Variants in RBM6 observed in about 807,000 individuals in gnomAD.
The protein encoded by RBM6 is RNA-binding protein 6.
In RBM6, 23 loss-of-function variants were observed where a neutral mutation model predicts 140.4. That is an observed-to-expected ratio of 0.16 (90% CI 0.12 to 0.23). The LOEUF (loss-of-function observed/expected upper bound fraction) is 0.23. Ranked by LOEUF, RBM6 falls within the 10% of genes least tolerant of loss-of-function variation. The pLI is 1.00. For synonymous variants in RBM6, 439 were observed against 475.6 expected, an observed-to-expected ratio of 0.92 and a Z score of 1.00; for missense variants, 1,139 against 1,386.7, an observed-to-expected ratio of 0.82 and a Z score of 2.84.
intron 1 of RBM6, among the ~76,000 whole-genome samples, chr3:49,944,214 T>C (rs1412675919): frequency 6.6e-6 from 1 of 152,228 alleles, no homozygotes; most frequent in Non-Finnish European, 1.5e-5. Context: ...ATTTGACTAC[T>C]CTAGGTATCT....
rs750448337 is a variant in RBM6, at chr3:49,967,564, T to C, written c.139T>C (p.Phe47Leu). ...SHAQERHSGN[F>L]PGRDSLPFDF... ...TGCTCAAGAGAGACACTCTGGCAAC[T>C]TTCCTGGCAGAGATTCACTTCCCTT... Residue 47 changes from phenylalanine (F) to leucine (L), a missense_variant, in exon 3 of 21, where the codon TTT becomes CTT. This residue lies in a region of RBM6 where 566 missense variants were observed against 612.7 expected (regional missense o/e 0.92). Coordinates refer to ENST00000266022, the MANE Select transcript of RBM6 (RefSeq NM_005777.3). The surrounding 1 kb of genome is among the most constrained non-coding windows in gnomAD (Gnocchi z 4.0). The C allele has an allele frequency of 2.5e-6, 4 of 1,614,182 alleles. No homozygotes were observed. The highest frequency in any genetic ancestry group is 4.5e-5 in the East Asian group (2 of 44,882).
chr3:50,050,188 A>G (rs2089412036), intron 7 of RBM6, among the ~76,000 whole-genome samples: 1 of 151,922 alleles, frequency 6.6e-6, no homozygotes, highest in African/African-American at 2.4e-5. Context: ...TTAAACCCTC[A>G]AAAGGAAACC....
intron 6 of RBM6, among the ~76,000 whole-genome samples, chr3:50,007,218 A>T: frequency 7.2e-6 from 1 of 138,768 alleles, no homozygotes. Context: ...CTTTTTTGAG[A>T]CAGGGTCTCA....
At position 49,944,422 on chromosome 3, in the gene RBM6, C is replaced by T. The variant is rs1364945338; in HGVS notation, c.-67+4197C>T. Among the ~76,000 whole-genome samples, 3 of 151,618 alleles carry T rather than the reference C, an allele frequency of 2.0e-5. No homozygotes were observed. In the East Asian group the frequency reaches 5.8e-4, roughly 29 times the overall value. On this transcript the variant is annotated intron_variant, in intron 1 of 20. Coordinates refer to ENST00000266022, the MANE Select transcript of RBM6 (RefSeq NM_005777.3). ...TTGATGGACATTTGGGTTGTTTCCA[C>T]CTTTTTGCTCTTGTGAATATAATGG...
At chr3:50,054,472 G>T (rs2108899304) in intron 8 of RBM6, 77 bp downstream of exon 8, 6 of 1,233,960 alleles carry the variant, frequency 4.9e-6, no homozygotes, top group Non-Finnish European at 5.9e-6. Flanking sequence ...TGGCTTTGAA[G>T]AATTATCATC....
intron 13 of RBM6, 82 bp from the exon 14 acceptor site, chr3:50,061,380 T>C: frequency 1.3e-6 from 2 of 1,579,286 alleles, no homozygotes; most frequent in Non-Finnish European, 1.7e-6. Flanking sequence ...TTGGTCACCC[T>C]AATTCTTGGG....
intron 6 of RBM6, among the ~76,000 whole-genome samples, chr3:50,031,729 A>T (rs985143946): frequency 9.9e-5 from 15 of 152,050 alleles, no homozygotes; most frequent in South Asian, 2.1e-4. Context: ...TTAAAGTATA[A>T]AAAAAAAGAC....
At chr3:50,065,169 G>A in intron 16 of RBM6, 43 bp downstream of exon 16, 1 of 1,495,908 alleles carries the variant, frequency 6.7e-7, no homozygotes. Context: ...CTGGGGCTGG[G>A]GATGGTTCCG....
chr3:50,060,753 CAAA>C (rs35467618), intron 11 of RBM6, 200 bp from the exon 12 acceptor site: 1,737 of 123,772 alleles, frequency 0.014, no homozygotes, highest in Middle Eastern at 0.022. Context: ...GACTCCGTCT[CAAA>C]AAAAAAAAAA....
At position 49,955,160 on chromosome 3, in the gene RBM6, C is replaced by CTTTTTTTTTTTTTTTTTTTTTTTTTTTT. The variant is rs869272546; in HGVS notation, c.-66-7392_-66-7391insTTTTTTTTTTTTTTTTTTTTTTTTTTTT. 1.2e-4 allele frequency among the ~76,000 whole-genome samples: 9 copies of CTTTTTTTTTTTTTTTTTTTTTTTTTTTT among 72,714 alleles called. 2 individuals carry two copies. The highest frequency in any genetic ancestry group is 2.3e-4 in the African/African-American group (4 of 17,370). The allele number at this position is 72,714 out of a possible 152,430, so 47.7% of individuals were successfully genotyped here. ...GGCCGCATAGTATTTTTTTTTCTTT[C>CTTTTTTTTTTTTTTTTTTTTTTTTTTTT]TTTTTTTTTTTTTTTTTTTTTTTTG... On this transcript the variant is annotated intron_variant, in intron 1 of 20. Coordinates refer to ENST00000266022, the MANE Select transcript of RBM6 (RefSeq NM_005777.3).
intron 1 of RBM6, among the ~76,000 whole-genome samples, chr3:49,943,214 A>G (rs1031477415): frequency 2.0e-5 from 3 of 152,164 alleles, no homozygotes; most frequent in East Asian, 1.9e-4. Flanking sequence ...TTGGTGTACA[A>G]ATATCTCTTT....
chr3:50,034,510 C>T (rs1372610965), intron 6 of RBM6, among the ~76,000 whole-genome samples: 1 of 151,980 alleles, frequency 6.6e-6, no homozygotes, highest in East Asian at 1.9e-4. Context: ...GCCTGTAATC[C>T]CAGCACTTTG....
intron 5 of RBM6, among the ~76,000 whole-genome samples, chr3:49,982,257 CTTTTCTTTTTTTT>C (rs2085337753): frequency 1.3e-5 from 1 of 76,018 alleles, no homozygotes; most frequent in South Asian, 3.8e-4. Context: ...CATTTCTTTT[CTTTTCTTTTTTTT>C]TTTTTTTTTT....
At chr3:49,945,808 G>A (rs2073164796) in intron 1 of RBM6, among the ~76,000 whole-genome samples, 1 of 149,902 alleles carries the variant, frequency 6.7e-6, no homozygotes, top group South Asian at 2.1e-4. Flanking sequence ...CGTGAACCCG[G>A]GAGGCACAGC....
rs368837719 is a variant in RBM6, at chr3:49,952,996, C to A, written c.-66-9580C>A. 1.3e-4 allele frequency among the ~76,000 whole-genome samples: 20 copies of A among 152,208 alleles called. No individual in the cohort carries two copies. In the East Asian group the frequency reaches 3.3e-3, roughly 25 times the overall value. ...CTCCTGGTCTTAAGTGATCCTCTGA[C>A]CTTGGCCTCAAAAAGTGCTGCGATT... On this transcript the variant is annotated intron_variant, in intron 1 of 20. Coordinates refer to ENST00000266022, the MANE Select transcript of RBM6 (RefSeq NM_005777.3).
intron 15 of RBM6, 134 bp downstream of exon 15, chr3:50,062,242 C>G: frequency 1.9e-6 from 2 of 1,065,008 alleles, no homozygotes; most frequent in East Asian, 3.0e-5. Context: ...TGGTGGCTAA[C>G]GCCTGTAATC....
chr3:49,999,933 G>A (rs138734667), intron 6 of RBM6, among the ~76,000 whole-genome samples: 1 of 152,206 alleles, frequency 6.6e-6, no homozygotes, highest in African/African-American at 2.4e-5. Flanking sequence ...GAAGACCTCT[G>A]ATGGTGACTT....
intron 6 of RBM6, among the ~76,000 whole-genome samples, chr3:50,018,146 A>G (rs926806987): frequency 2.6e-5 from 4 of 152,180 alleles, no homozygotes; most frequent in African/African-American, 9.7e-5. Context: ...GAATAGTTTC[A>G]TTGCCCTAGA....
chr3:50,026,384 T>G (rs2087823238), intron 6 of RBM6, among the ~76,000 whole-genome samples: 1 of 134,202 alleles, frequency 7.5e-6, no homozygotes, highest in Non-Finnish European at 1.6e-5. Context: ...TGCCCGGCCC[T>G]TTTTTTTTTT....
Sources: gnomAD v4.1 joint callset for allele counts (sites outside exome capture counted in the v4.1 genomes callset) on GRCh38, gnomAD v4.1.1 for gene constraint, gnomAD v4.1.1 regional missense constraint, Gnocchi (gnomAD v3.1) non-coding constraint, MANE v1.5 for transcripts, NCBI Gene and HGNC (gene_info 2026-07-23, HGNC 2026-07-21) for gene names.